LY96: variants seen among roughly 807,000 people sequenced by gnomAD.
LY96 encodes lymphocyte antigen 96.
In LY96, 18 loss-of-function variants were observed where a neutral mutation model predicts 18.9. The ratio of observed to expected loss-of-function variants is 0.95; its 90% CI spans 0.66 to 1.41. The LOEUF is 1.41. LY96 is among the 40% of genes most tolerant of loss of function. The pLI is 0.00. For missense variants in LY96, 175 were observed against 182.4 expected, an observed-to-expected ratio of 0.96 and a Z score of 0.23; for synonymous variants, 66 against 62.6, an observed-to-expected ratio of 1.06 and a Z score of -0.26.
At chr8:74,073,519 T>C in the LY96 span, among the ~76,000 whole-genome samples, 1 of 152,166 alleles carries the variant, frequency 6.6e-6, no homozygotes, top group African/African-American at 2.4e-5. Context: ...CTGCATTTTT[T>C]TTCATTTCTA....
the LY96 span, among the ~76,000 whole-genome samples, chr8:74,042,082 A>G: frequency 4.6e-5 from 7 of 152,204 alleles, no homozygotes; most frequent in Admixed American, 4.6e-4. Flanking sequence ...GCCAGCTGAC[A>G]CTTACGGAAA....
At chr8:74,080,496 G>A in the LY96 span, among the ~76,000 whole-genome samples, 3 of 152,148 alleles carry the variant, frequency 2.0e-5, no homozygotes, top group Non-Finnish European at 2.9e-5. Flanking sequence ...GCCCTGAGAG[G>A]CAAAAAATTG....
At chr8:74,092,516 A>G in the LY96 span, among the ~76,000 whole-genome samples, 1 of 152,090 alleles carries the variant, frequency 6.6e-6, no homozygotes, top group Non-Finnish European at 1.5e-5. Flanking sequence ...CTGGGCTGCC[A>G]TTTCTCTCCT....
intron 3 of LY96, among the ~76,000 whole-genome samples, chr8:74,015,766 T>A (rs1256014033): frequency 6.6e-6 from 1 of 152,184 alleles, no homozygotes; most frequent in Non-Finnish European, 1.5e-5. Context: ...GGATACCTTT[T>A]GAGAAGAGGA....
At chr8:74,038,313 T>C in the LY96 span, among the ~76,000 whole-genome samples, 1 of 152,180 alleles carries the variant, frequency 6.6e-6, no homozygotes, top group African/African-American at 2.4e-5. Flanking sequence ...ATTTTTTTTG[T>C]ACCCATTAAC....
At chr8:74,002,565 A>C (rs965984599) in intron 1 of LY96, among the ~76,000 whole-genome samples, 10 of 129,064 alleles carry the variant, frequency 7.7e-5, no homozygotes, top group East Asian at 2.3e-4. Context: ...TGATTTATTT[A>C]TTTATTTCTT....
At chr8:74,097,098 A>T in the LY96 span, among the ~76,000 whole-genome samples, 1 of 152,280 alleles carries the variant, frequency 6.6e-6, no homozygotes, top group African/African-American at 2.4e-5. Context: ...TAATTTTAAA[A>T]ATAATTTTCA....
At chr8:74,046,180 G>A in the LY96 span, among the ~76,000 whole-genome samples, 1 of 152,054 alleles carries the variant, frequency 6.6e-6, no homozygotes, top group Admixed American at 6.5e-5. Flanking sequence ...TTGGGAGGCT[G>A]AGGCACAAGA....
intron 1 of LY96, among the ~76,000 whole-genome samples, chr8:74,004,288 C>T (rs940283356): frequency 6.6e-6 from 1 of 152,146 alleles, no homozygotes; most frequent in African/African-American, 2.4e-5. Flanking sequence ...TAGACTGTGC[C>T]AGACTCATCA....
At chr8:74,038,417 C>G in the LY96 span, among the ~76,000 whole-genome samples, 2 of 152,308 alleles carry the variant, frequency 1.3e-5, no homozygotes, top group South Asian at 4.1e-4. Context: ...TTAATTTTAG[C>G]TCTTATAAAT....
At chr8:74,006,958 G>A (rs1816424983) in intron 2 of LY96, among the ~76,000 whole-genome samples, 1 of 152,200 alleles carries the variant, frequency 6.6e-6, no homozygotes, top group South Asian at 2.1e-4. Context: ...ACAGTAAAGG[G>A]GAGAGGAAGC....
At position 74,025,906 on chromosome 8, in the gene LY96, G is replaced by A. The variant is rs957359426; in HGVS notation, c.332-883G>A. ...GCCTGTAATCTCAGCTACTCAGGAA[G>A]CCGAGGCAGGAGAATCTCTTGAACC... On this transcript the variant is annotated intron_variant, in intron 3 of 4. Transcript: ENST00000284818. Among the ~76,000 whole-genome samples the A allele has an allele frequency of 4.6e-5, 7 of 152,234 alleles. No homozygotes were observed. In the East Asian group the frequency reaches 1.4e-3, roughly 29 times the overall value.
the LY96 span, among the ~76,000 whole-genome samples, chr8:74,087,550 C>T: frequency 1.3e-5 from 2 of 152,198 alleles, no homozygotes; most frequent in Admixed American, 1.3e-4. Context: ...GTGTGGTCTA[C>T]ACTTGGAGAG....
the LY96 span, among the ~76,000 whole-genome samples, chr8:74,097,607 G>A: frequency 2.0e-5 from 3 of 152,126 alleles, no homozygotes; most frequent in Non-Finnish European, 4.4e-5. Context: ...TACTCAGGAG[G>A]GTGAGGCAGG....
At chr8:73,994,575 C>A (rs566730304) in intron 1 of LY96, among the ~76,000 whole-genome samples, 1 of 152,154 alleles carries the variant, frequency 6.6e-6, no homozygotes, top group African/African-American at 2.4e-5. Context: ...CAGCCTCAAA[C>A]TCTGAGGTTC....
the LY96 span, among the ~76,000 whole-genome samples, chr8:74,074,434 A>C: frequency 6.6e-6 from 1 of 151,944 alleles, no homozygotes; most frequent in East Asian, 1.9e-4. Context: ...TTTTCAAAAA[A>C]CCAGCTTTTA....
At chr8:74,037,701 T>C in the LY96 span, among the ~76,000 whole-genome samples, 3 of 151,956 alleles carry the variant, frequency 2.0e-5, no homozygotes, top group Admixed American at 6.6e-5. Context: ...TACTGTGGAG[T>C]CATTCAATCA....
chr8:74,025,583 A>C (rs956414770), intron 3 of LY96, among the ~76,000 whole-genome samples: 3 of 145,440 alleles, frequency 2.1e-5, no homozygotes, highest in African/African-American at 7.8e-5. Flanking sequence ...TGAACCCAGG[A>C]GGCGGAGCTT....
chr8:74,010,079 T>C lies in LY96; in HGVS notation c.281T>C (p.Ile94Thr). Residue 94 changes from isoleucine to threonine, a missense_variant, in exon 3 of 5, where the codon ATT becomes ACT. By Grantham distance (89) the Ile-to-Thr change is moderately conservative (BLOSUM62 -1). Transcript: ENST00000284818. ...TMNLPKRKEVICRGSDDDYSF... is the reference protein window; with the variant it reads ...TMNLPKRKEVTCRGSDDDYSF... ...AATCTTCCAAAGCGCAAAGAAGTTA[T>C]TTGCCGAGGATCTGATGACGATTAC... 6.2e-7 allele frequency: 1 copy of C among 1,613,206 alleles called. No individual in the cohort carries two copies. The highest frequency in any genetic ancestry group is 8.5e-7 in the Non-Finnish European group (1 of 1,179,324).
Sources: gnomAD v4.1 joint callset for allele counts (sites outside exome capture counted in the v4.1 genomes callset) on GRCh38, gnomAD v4.1.1 for gene constraint, MANE v1.5 for transcripts, NCBI Gene and HGNC (gene_info 2026-07-23, HGNC 2026-07-21) for gene names.